The following IYD variants were observed in gnomAD, a reference collection of about 807,000 sequenced individuals.
The protein encoded by IYD is iodotyrosine deiodinase 1.
Under a neutral mutation model 28.4 loss-of-function variants are expected in IYD, and 25 were observed. That is an observed-to-expected ratio of 0.88 (90% CI 0.64 to 1.23). The LOEUF is 1.23. Among genes scored for constraint, IYD ranks in the 50% most tolerant of loss-of-function variants. The pLI, the probability that IYD is intolerant of heterozygous loss-of-function variation, is 0.00. For missense variants in IYD, 352 were observed against 357.9 expected (o/e 0.98, Z 0.13); for synonymous variants, 140 against 130.8 (o/e 1.07, Z -0.48).
chr6:150,384,552 C>CTAT (rs899037485), intron 1 of IYD: 2 of 152,072 alleles, frequency 1.3e-5, no homozygotes, highest in Non-Finnish European at 2.9e-5. Context: ...CAAGGAATAT[C>CTAT]TATTATTATT....
chr6:150,398,510 T>A lies in IYD; in HGVS notation c.*273T>A, dbSNP rs1443127848. 9.5e-6 allele frequency: 4 copies of A among 418,970 alleles called. No homozygotes were observed. The highest frequency in any genetic ancestry group is 1.7e-5 in the Non-Finnish European group (4 of 233,848). 26.0% of individuals were successfully genotyped at this position (418,970 alleles called of 1,614,324 possible). The stretch of plus-strand genomic sequence containing the variant: ...ACATTTTAAAAGTTATTCTAGACAA[T>A]CACTATTGGCTTTTTTCTTTTATTT... On this transcript the variant is annotated 3_prime_UTR_variant, in exon 5 of 5. Coordinates refer to ENST00000344419, the MANE Select transcript of IYD (RefSeq NM_203395.3).
intron 1 of IYD, among the ~76,000 whole-genome samples, chr6:150,380,210 T>C (rs1282723623): frequency 6.6e-6 from 1 of 152,176 alleles, no homozygotes; most frequent in Non-Finnish European, 1.5e-5. Context: ...GTATTTGGTG[T>C]TTTGCAAATT....
intron 1 of IYD, chr6:150,370,094 G>C: frequency 1.4e-6 from 1 of 699,638 alleles, no homozygotes; most frequent in Non-Finnish European, 2.6e-6. Flanking sequence ...ATTTGGAAGA[G>C]GCTCTGTGAT....
rs1778545837 is a variant in IYD at position 150,402,690 on chromosome 6, G to A, written c.*4453G>A. Reference sequence around the variant, plus strand: ...GAAAATTGATATAAACATACATAAAGTGGAACTAAGATTGACTTCTTCCTA... The same window carrying A: ...GAAAATTGATATAAACATACATAAAATGGAACTAAGATTGACTTCTTCCTA... On this transcript the variant is annotated 3_prime_UTR_variant, in exon 5 of 5. Transcript: ENST00000344419. 1 of 152,142 alleles carries A rather than the reference G, an allele frequency of 6.6e-6. No homozygotes were observed. Among genetic ancestry groups the A allele is most frequent in the African/African-American group, 2.4e-5 (1 of 41,440 alleles). The allele number at this position is 152,142 out of a possible 1,614,324, so 9.4% of individuals were successfully genotyped here.
chr6:150,375,916 A>G (rs1415877272), intron 1 of IYD, among the ~76,000 whole-genome samples: 1 of 152,214 alleles, frequency 6.6e-6, no homozygotes, highest in Non-Finnish European at 1.5e-5. Flanking sequence ...TGATTAGAAA[A>G]TAGTGGTCCA....
chr6:150,383,421 TG>T (rs1777726007), intron 1 of IYD, among the ~76,000 whole-genome samples: 1 of 152,192 alleles, frequency 6.6e-6, no homozygotes, highest in Non-Finnish European at 1.5e-5. Context: ...TCTACCTCTG[TG>T]GTACTAACCT....
Position 150,395,152 on chromosome 6 carries a change from G to A in IYD, c.687+897G>A, listed in dbSNP as rs139771765. 3.0e-4 allele frequency among the ~76,000 whole-genome samples: 45 copies of A among 152,268 alleles called. No individual in the cohort carries two copies. In the East Asian group the frequency reaches 7.3e-3, roughly 25 times the overall value. On this transcript the variant is annotated intron_variant, in intron 4 of 4. Coordinates refer to ENST00000344419, the MANE Select transcript of IYD (RefSeq NM_203395.3). ...GCTCCTTCTACGTGGCAGTTCCTGG[G>A]AGCCACTGGGGATAGTTGTCTGATG...
chr6:150,375,751 A>T (rs1777422820), intron 1 of IYD, among the ~76,000 whole-genome samples: 1 of 152,192 alleles, frequency 6.6e-6, no homozygotes, highest in Non-Finnish European at 1.5e-5. Context: ...GCTGGGAAAG[A>T]GGCATTGTCG....
intron 1 of IYD, among the ~76,000 whole-genome samples, chr6:150,375,027 C>G (rs532068509): frequency 6.6e-6 from 1 of 152,214 alleles, no homozygotes; most frequent in Non-Finnish European, 1.5e-5. Flanking sequence ...CAAGGTGTCT[C>G]TTTCTGGGCA....
intron 1 of IYD, among the ~76,000 whole-genome samples, chr6:150,375,776 C>T (rs1269805132): frequency 6.6e-6 from 1 of 152,150 alleles, no homozygotes; most frequent in South Asian, 2.1e-4. Context: ...AGATGCTGAG[C>T]CCTGAAGTGG....
In IYD at chr6:150,392,362, G is replaced by A. The variant is rs1778152416; in HGVS notation, c.388G>A (p.Ala130Thr). 1 of 1,613,518 alleles carries A rather than the reference G, an allele frequency of 6.2e-7. No individual in the cohort carries two copies. The highest frequency in any genetic ancestry group is 8.5e-7 in the Non-Finnish European group (1 of 1,179,870). Residue 130 changes from alanine to threonine, a missense_variant, in exon 3 of 5, where the codon GCT becomes ACT. Ala to Thr is a moderately conservative substitution (Grantham distance 58). Coordinates refer to ENST00000344419, the MANE Select transcript of IYD (RefSeq NM_203395.3). ...IRTAGTAPSG[A>T]HTEPWTFVVV... ...GGTGACAGGAACAGCCCCGAGTGGG[G>A]CTCACACAGAGCCCTGGACCTTCGT...
intron 1 of IYD, among the ~76,000 whole-genome samples, chr6:150,377,721 T>C (rs993272780): frequency 6.6e-6 from 1 of 152,218 alleles, no homozygotes; most frequent in African/African-American, 2.4e-5. Context: ...ACTTAGTAAC[T>C]TACCTTTCAA....
intron 1 of IYD, 91 bp downstream of exon 1, chr6:150,369,300 A>T (rs1390790571): frequency 9.4e-6 from 12 of 1,277,888 alleles, no homozygotes; most frequent in Non-Finnish European, 1.3e-5. Context: ...AGAGGAAGAA[A>T]CACACACAGG....
chr6:150,392,336 G>T lies in IYD; in HGVS notation c.371-9G>T, dbSNP rs769400305. On this transcript the variant is annotated splice_polypyrimidine_tract_variant and intron_variant, in intron 2 of 4. Coordinates refer to ENST00000344419, the MANE Select transcript of IYD (RefSeq NM_203395.3). The stretch of plus-strand genomic sequence containing the variant: ...TTTTAATTTCTGATTTTAATGGAAT[G>T]GGTGACAGGAACAGCCCCGAGTGGG... 9 of 1,612,686 alleles carry T rather than the reference G, an allele frequency of 5.6e-6. No homozygotes were observed. In the Admixed American group the frequency reaches 1.3e-4, roughly 24 times the overall value.
rs1303726604 is a variant in IYD, at chr6:150,405,118, G to A, written c.*6881G>A. On this transcript the variant is annotated 3_prime_UTR_variant, in exon 5 of 5. Coordinates refer to ENST00000344419, the MANE Select transcript of IYD (RefSeq NM_203395.3). The stretch of plus-strand genomic sequence containing the variant: ...ACATGGGAATCTGTGTTTTTAACGT[G>A]TTCCAGGTGATTCTGCTGACCAGGT... 3 of 152,344 alleles carry A rather than the reference G, an allele frequency of 2.0e-5. No individual in the cohort carries two copies. Among genetic ancestry groups the A allele is most frequent in the Non-Finnish European group, 2.9e-5 (2 of 68,048 alleles). 9.4% of individuals were successfully genotyped at this position (152,344 alleles called of 1,614,324 possible).
Position 150,394,168 on chromosome 6 carries a change from T to A in IYD, c.600T>A (p.Gly200=), listed in dbSNP as rs1477908713. 3 of 1,614,168 alleles carry A rather than the reference T, an allele frequency of 1.9e-6. No individual in the cohort carries two copies. In the African/African-American group the frequency reaches 4.0e-5, roughly 22 times the overall value. The change falls in exon 4 of 5, where the codon GGT becomes GGA. Residue 200 remains glycine (G), a synonymous_variant. Coordinates refer to ENST00000344419, the MANE Select transcript of IYD (RefSeq NM_203395.3). Reference sequence around the variant, plus strand: ...TTCTCATTTTCAAACAAGTACATGGTTTCGCCGCAAATGGCAAGAAAAAAG... The same window carrying A: ...TTCTCATTTTCAAACAAGTACATGGATTCGCCGCAAATGGCAAGAAAAAAG... The part of the protein sequence containing the change: ...ILILIFKQVH[G]FAANGKKKVH...
At chr6:150,378,569 T>C (rs186390495) in intron 1 of IYD, among the ~76,000 whole-genome samples, 1 of 152,192 alleles carries the variant, frequency 6.6e-6, no homozygotes, top group African/African-American at 2.4e-5. Context: ...ATCAGAGAAA[T>C]GCAAATCAAA....
intron 4 of IYD, chr6:150,395,641 C>A: frequency 8.5e-7 from 1 of 1,174,828 alleles, no homozygotes; most frequent in South Asian, 1.3e-5. Flanking sequence ...AGGCATAATC[C>A]CGAGAGTAGG....
chr6:150,375,147 A>G (rs1777400725), intron 1 of IYD, among the ~76,000 whole-genome samples: 1 of 152,206 alleles, frequency 6.6e-6, no homozygotes, highest in Non-Finnish European at 1.5e-5. Context: ...GCACACAGCA[A>G]GTCAATACAC....
Sources: gnomAD v4.1 joint callset for allele counts (sites outside exome capture counted in the v4.1 genomes callset) on GRCh38, gnomAD v4.1.1 for gene constraint, MANE v1.5 for transcripts, NCBI Gene and HGNC (gene_info 2026-07-23, HGNC 2026-07-21) for gene names.